The following AUTS2 variants were observed in gnomAD, a reference collection of about 807,000 sequenced individuals.
AUTS2 encodes autism susceptibility gene 2 protein.
AUTS2 carries 17 observed loss-of-function variants against 112.4 expected under a neutral mutation model. That is an observed-to-expected ratio of 0.15 (90% CI 0.10 to 0.23). The LOEUF is 0.23. AUTS2 is among the 10% of genes least tolerant of loss of function. The probability of loss-of-function intolerance (pLI) is 1.00; values close to 1 mark genes in which losing one functional copy is unlikely to be tolerated. For missense variants in AUTS2, 1,510 were observed against 1,701.6 expected, an observed-to-expected ratio of 0.89 and a Z score of 1.98; for synonymous variants, 751 against 702.7, an observed-to-expected ratio of 1.07 and a Z score of -1.09.
intron 2 of AUTS2, among the ~76,000 whole-genome samples, chr7:70,098,903 T>G (rs1804341856): frequency 6.6e-6 from 1 of 152,104 alleles, no homozygotes; most frequent in Non-Finnish European, 1.5e-5. Context: ...GGTTTCTCCA[T>G]GTTGGTCAGG....
At chr7:70,248,251 G>A (rs554117256) in intron 4 of AUTS2, among the ~76,000 whole-genome samples, 2 of 151,894 alleles carry the variant, frequency 1.3e-5, no homozygotes, top group Admixed American at 1.3e-4. Flanking sequence ...TGGGACTACA[G>A]GCACCCACTA....
intron 1 of AUTS2, chr7:69,643,485 C>T (rs1057232722): frequency 2.0e-5 from 3 of 151,950 alleles, no homozygotes; most frequent in African/African-American, 7.3e-5. Context: ...ACTAAAGCCT[C>T]AATAAACACT....
intron 2 of AUTS2, among the ~76,000 whole-genome samples, chr7:69,922,582 G>C (rs1183907112): frequency 1.3e-5 from 2 of 152,230 alleles, no homozygotes; most frequent in East Asian, 3.9e-4. Flanking sequence ...CACTTCTCAG[G>C]GTGATTTTTG....
At chr7:70,582,117 T>C (rs1332397533) in intron 5 of AUTS2, among the ~76,000 whole-genome samples, 4 of 151,842 alleles carry the variant, frequency 2.6e-5, no homozygotes, top group African/African-American at 4.8e-5. Flanking sequence ...AGGTAATGAG[T>C]TGTTTTATTC....
Position 70,763,001 on chromosome 7 carries a change from C to T in AUTS2, c.874C>T (p.Pro292Ser). The part of the protein sequence containing the change: ...QDCCKEPIFE[P>S]VVLKDPCPQV... Reference sequence around the variant, plus strand: ...CTGTTGCAAAGAGCCAATCTTTGAGCCTGTGGTGCTTAAAGACCCCTGCCC... The same window carrying T: ...CTGTTGCAAAGAGCCAATCTTTGAGTCTGTGGTGCTTAAAGACCCCTGCCC... Residue 292 changes from proline (P) to serine (S), a missense_variant, in exon 7 of 19, where the codon CCT becomes TCT. Pro to Ser is a moderately conservative substitution (Grantham distance 74). This residue lies in a region of AUTS2 where 535 missense variants were observed against 594.3 expected (regional missense o/e 0.90). Transcript: ENST00000342771. 3 of 1,614,100 alleles carry T rather than the reference C, an allele frequency of 1.9e-6. No individual in the cohort carries two copies. The highest frequency in any genetic ancestry group is 1.1e-5 in the South Asian group (1 of 91,070).
chr7:69,662,827 C>A (rs776195862), intron 1 of AUTS2, among the ~76,000 whole-genome samples: 1 of 152,086 alleles, frequency 6.6e-6, no homozygotes, highest in Admixed American at 6.6e-5. Flanking sequence ...GCTCCCAACC[C>A]TTACATTTTA....
At chr7:70,467,944 A>G (rs1046643636) in intron 5 of AUTS2, among the ~76,000 whole-genome samples, 1 of 152,200 alleles carries the variant, frequency 6.6e-6, no homozygotes, top group African/African-American at 2.4e-5. Flanking sequence ...TGTCAGTGGG[A>G]GAAAGTAATC....
chr7:69,828,333 T>C (rs931549239), intron 1 of AUTS2, among the ~76,000 whole-genome samples: 4 of 152,180 alleles, frequency 2.6e-5, no homozygotes, highest in African/African-American at 9.7e-5. Context: ...TCTATCTGGT[T>C]GTTGTCTGCA....
intron 4 of AUTS2, among the ~76,000 whole-genome samples, chr7:70,181,482 C>CT (rs377593316): frequency 3.4e-4 from 51 of 148,690 alleles, no homozygotes; most frequent in African/African-American, 1.0e-3. Flanking sequence ...CTAAAGTTAA[C>CT]TTTTTTTTTT....
chr7:70,499,464 G>A (rs1362268769), intron 5 of AUTS2, among the ~76,000 whole-genome samples: 2 of 152,298 alleles, frequency 1.3e-5, no homozygotes, highest in Non-Finnish European at 1.5e-5. Context: ...GAGGCTGGCG[G>A]TGCAACTTGG....
chr7:70,436,576 A>T (rs1795902999), intron 5 of AUTS2: 1 of 152,252 alleles, frequency 6.6e-6, no homozygotes, highest in Non-Finnish European at 1.5e-5. Flanking sequence ...TTTTGAAAAG[A>T]GTTACCTGAA....
chr7:69,913,377 C>A (rs530762091), intron 2 of AUTS2, among the ~76,000 whole-genome samples: 1 of 152,294 alleles, frequency 6.6e-6, no homozygotes, highest in African/African-American at 2.4e-5. Context: ...GAACAATAAG[C>A]ATTAATCAGG....
At position 70,711,343 on chromosome 7, in the gene AUTS2, T is replaced by C. The variant is rs564535467; in HGVS notation, c.742+12723T>C. 6.6e-5 allele frequency among the ~76,000 whole-genome samples: 10 copies of C among 152,316 alleles called. No individual in the cohort carries two copies. In the South Asian group the frequency reaches 8.3e-4, roughly 13 times the overall value. On this transcript the variant is annotated intron_variant, in intron 6 of 18. Transcript: ENST00000342771. ...TCTCAGCATCCTGCCAGGTATCTTA[T>C]CTTATTCAAATATCCTAATTGCTTC...
At chr7:70,035,789 C>T (rs990342084) in intron 2 of AUTS2, among the ~76,000 whole-genome samples, 2 of 152,170 alleles carry the variant, frequency 1.3e-5, no homozygotes, top group Non-Finnish European at 1.5e-5. Flanking sequence ...TTACCACACT[C>T]TTGTCTTTAA....
chr7:70,027,201 A>G (rs910886266), intron 2 of AUTS2, among the ~76,000 whole-genome samples: 13 of 152,268 alleles, frequency 8.5e-5, no homozygotes, highest in African/African-American at 3.1e-4. Flanking sequence ...CCCCATGATA[A>G]GTCTAGGAGC....
chr7:70,125,855 A>G (rs1464490552), intron 3 of AUTS2, among the ~76,000 whole-genome samples: 2 of 152,132 alleles, frequency 1.3e-5, no homozygotes, highest in Non-Finnish European at 2.9e-5. Context: ...CCAGTTTTTT[A>G]GTTGCTTGAG....
At chr7:69,645,764 G>A (rs1794992250) in intron 1 of AUTS2, among the ~76,000 whole-genome samples, 1 of 152,018 alleles carries the variant, frequency 6.6e-6, no homozygotes, top group Non-Finnish European at 1.5e-5. Context: ...GAGGGGAGGA[G>A]CGGAAAAAGA....
chr7:69,982,471 A>T (rs1397959611), intron 2 of AUTS2, among the ~76,000 whole-genome samples: 1 of 149,176 alleles, frequency 6.7e-6, no homozygotes, highest in Non-Finnish European at 1.5e-5. Context: ...CTGAGGGGGG[A>T]AAAAAAACGT....
intron 1 of AUTS2, among the ~76,000 whole-genome samples, chr7:69,846,834 A>G (rs911917814): frequency 4.6e-5 from 7 of 152,180 alleles, no homozygotes; most frequent in African/African-American, 1.7e-4. Flanking sequence ...TTGGCCTCCA[A>G]AGTGCTGGGA....
Sources: allele counts gnomAD v4.1 joint callset (sites outside exome capture counted in the v4.1 genomes callset), GRCh38; gene constraint gnomAD v4.1.1; regional missense constraint gnomAD v4.1.1; transcripts MANE v1.5; gene names NCBI Gene and HGNC (gene_info 2026-07-23, HGNC 2026-07-21).